Variants in SPOCK1 observed in about 807,000 individuals in gnomAD.
SPOCK1 encodes SPARC (osteonectin), cwcv and kazal like domains proteoglycan 1.
In SPOCK1, 23 loss-of-function variants were observed where a neutral mutation model predicts 55.3. That is an observed-to-expected ratio of 0.42 (90% confidence interval 0.30 to 0.59). SPOCK1 has a LOEUF of 0.59. Ranked by LOEUF, SPOCK1 falls within the 20% of genes least tolerant of loss-of-function variation. SPOCK1 has a pLI of 0.22. For synonymous variants in SPOCK1, 226 were observed against 221.0 expected (o/e 1.02, Z -0.20); for missense variants, 499 against 552.5 (o/e 0.90, Z 0.97).
intron 2 of SPOCK1, among the ~76,000 whole-genome samples, chr5:137,442,215 G>C (rs1230494274): frequency 1.3e-5 from 2 of 152,306 alleles, no homozygotes; most frequent in East Asian, 3.9e-4. Flanking sequence ...CATTCAACCA[G>C]TTACTTTTTA....
In SPOCK1 at chr5:137,160,653, A is replaced by T. The variant is rs1448665949; in HGVS notation, c.233-19959T>A. Among the ~76,000 whole-genome samples the T allele has an allele frequency of 4.6e-3, 452 of 97,362 alleles. 11 individuals are homozygous for T. The highest frequency in any genetic ancestry group is 0.019 in the African/African-American group (432 of 22,896). 63.9% of individuals were successfully genotyped at this position (97,362 alleles called of 152,430 possible). On this transcript the variant is annotated intron_variant, in intron 3 of 10. Coordinates refer to ENST00000394945, the MANE Select transcript of SPOCK1 (RefSeq NM_004598.4). Reference sequence around the variant, plus strand: ...ATAATATATAATATATATTTTATATAATATACAATATATAATATATAATAT... The same window carrying T: ...ATAATATATAATATATATTTTATATTATATACAATATATAATATATAATAT...
chr5:137,118,978 A>G (rs1169441081), intron 4 of SPOCK1, among the ~76,000 whole-genome samples: 1 of 152,204 alleles, frequency 6.6e-6, no homozygotes, highest in Non-Finnish European at 1.5e-5. Flanking sequence ...GATTCCTCAC[A>G]CATAGCAACT....
chr5:137,076,831 G>A (rs1161809534), intron 5 of SPOCK1, among the ~76,000 whole-genome samples: 1 of 152,148 alleles, frequency 6.6e-6, no homozygotes, highest in African/African-American at 2.4e-5. Flanking sequence ...TAGATTAAGA[G>A]CAGGTGTTAA....
intron 2 of SPOCK1, among the ~76,000 whole-genome samples, chr5:137,335,588 C>G (rs1327043077): frequency 6.6e-6 from 1 of 152,218 alleles, no homozygotes; most frequent in Admixed American, 6.5e-5. Flanking sequence ...CTGCTTACGG[C>G]CTCTGCAATT....
At chr5:137,447,320 G>A (rs1053417609) in intron 2 of SPOCK1, among the ~76,000 whole-genome samples, 6 of 152,174 alleles carry the variant, frequency 3.9e-5, no homozygotes, top group East Asian at 3.9e-4. Flanking sequence ...AAGGACTGTC[G>A]TGTGTGCTAC....
chr5:137,166,879 G>A (rs1754657061), intron 3 of SPOCK1, among the ~76,000 whole-genome samples: 1 of 151,962 alleles, frequency 6.6e-6, no homozygotes, highest in Non-Finnish European at 1.5e-5. Context: ...CTTAAAGGAA[G>A]ACAGAAAGGA....
At chr5:137,066,452 T>C (rs546771185) in intron 6 of SPOCK1, among the ~76,000 whole-genome samples, 2 of 152,326 alleles carry the variant, frequency 1.3e-5, no homozygotes, top group South Asian at 2.1e-4. Flanking sequence ...AACATGGCAA[T>C]GTCTAGCCTC....
chr5:137,242,283 G>A (rs746861904), intron 3 of SPOCK1, among the ~76,000 whole-genome samples: 2 of 152,134 alleles, frequency 1.3e-5, no homozygotes, highest in Non-Finnish European at 2.9e-5. Context: ...GGACCCGGTC[G>A]GAGGTAATTG....
intron 6 of SPOCK1, among the ~76,000 whole-genome samples, chr5:137,006,634 C>A (rs1751254743): frequency 2.0e-5 from 3 of 152,282 alleles, no homozygotes; most frequent in African/African-American, 7.2e-5. Flanking sequence ...GCAGTCATGT[C>A]ATCTACAAAC....
chr5:137,271,560 C>T (rs941945136), intron 2 of SPOCK1, among the ~76,000 whole-genome samples: 14 of 69,124 alleles, frequency 2.0e-4, no homozygotes, highest in Non-Finnish European at 3.9e-4. Flanking sequence ...GTCTCTTCAT[C>T]ACAGATGATC....
intron 2 of SPOCK1, among the ~76,000 whole-genome samples, chr5:137,452,058 A>G (rs1753265520): frequency 6.6e-6 from 1 of 152,220 alleles, no homozygotes; most frequent in Non-Finnish European, 1.5e-5. Context: ...TCCTTTGAGC[A>G]TCAGGTTGAT....
intron 2 of SPOCK1, among the ~76,000 whole-genome samples, chr5:137,359,092 T>C (rs1447500509): frequency 2.0e-5 from 3 of 152,208 alleles, no homozygotes; most frequent in Non-Finnish European, 4.4e-5. Context: ...ATAAGACCTA[T>C]ATTAGGAGCA....
chr5:137,433,179 G>A (rs904422677), intron 2 of SPOCK1, among the ~76,000 whole-genome samples: 12 of 152,184 alleles, frequency 7.9e-5, no homozygotes, highest in East Asian at 7.7e-4. Flanking sequence ...AAGAAGAGAC[G>A]GAAATGGAGC....
At chr5:137,036,796 A>C (rs1370016093) in intron 6 of SPOCK1, among the ~76,000 whole-genome samples, 1 of 152,186 alleles carries the variant, frequency 6.6e-6, no homozygotes, top group Non-Finnish European at 1.5e-5. Context: ...AGCCCTTGGG[A>C]ACCTGCTTCA....
chr5:137,172,230 G>A (rs778245503), intron 3 of SPOCK1, among the ~76,000 whole-genome samples: 2 of 152,162 alleles, frequency 1.3e-5, no homozygotes, highest in Non-Finnish European at 2.9e-5. Flanking sequence ...TTAACCCACA[G>A]AAAGTGCCTG....
chr5:137,426,762 T>A (rs1289764422), intron 2 of SPOCK1, among the ~76,000 whole-genome samples: 9 of 151,868 alleles, frequency 5.9e-5, no homozygotes, highest in Admixed American at 3.9e-4. Flanking sequence ...AAAACAAGAG[T>A]TCACAAGGAA....
intron 2 of SPOCK1, among the ~76,000 whole-genome samples, chr5:137,347,501 C>T (rs931862257): frequency 2.0e-5 from 3 of 152,040 alleles, no homozygotes; most frequent in Non-Finnish European, 4.4e-5. Context: ...AGGCAGATCA[C>T]CTGAGGTCAG....
At chr5:137,222,802 G>T (rs1755879034) in intron 3 of SPOCK1, among the ~76,000 whole-genome samples, 2 of 152,138 alleles carry the variant, frequency 1.3e-5, no homozygotes, top group African/African-American at 4.8e-5. Flanking sequence ...TTTCTCAAAG[G>T]GGGCCACACT....
intron 3 of SPOCK1, among the ~76,000 whole-genome samples, chr5:137,262,311 C>T (rs1756755945): frequency 6.6e-6 from 1 of 152,172 alleles, no homozygotes; most frequent in Non-Finnish European, 1.5e-5. Context: ...GTAATTGTTA[C>T]CAGCAAGTGT....
Sources: allele counts gnomAD v4.1 joint callset (sites outside exome capture counted in the v4.1 genomes callset), GRCh38; gene constraint gnomAD v4.1.1; transcripts MANE v1.5; gene names NCBI Gene and HGNC (gene_info 2026-07-23, HGNC 2026-07-21).